Variants in ABHD17C observed in about 807,000 individuals in gnomAD.
ABHD17C encodes the protein abhydrolase domain containing 17C, depalmitoylase.
ABHD17C carries 11 observed loss-of-function variants against 27.9 expected under a neutral mutation model. That is an observed-to-expected ratio of 0.39 (90% CI 0.25 to 0.65). The LOEUF (loss-of-function observed/expected upper bound fraction) is 0.65, where lower values mean the gene tolerates loss of function less well. Ranked by LOEUF, ABHD17C falls within the 30% of genes least tolerant of loss-of-function variation. The pLI is 0.45. For missense variants in ABHD17C, 280 were observed against 470.2 expected, an observed-to-expected ratio of 0.60 and a Z score of 3.74; for synonymous variants, 233 against 209.1, an observed-to-expected ratio of 1.11 and a Z score of -0.98.
At chr15:80,712,219 C>T (rs1361867022) in intron 1 of ABHD17C, among the ~76,000 whole-genome samples, 1 of 152,196 alleles carries the variant, frequency 6.6e-6, no homozygotes, top group Non-Finnish European at 1.5e-5. Flanking sequence ...TCACCCGGAG[C>T]CCAGTACAAT....
At chr15:80,721,772 TGGCTGGG>T (rs887405970) in intron 1 of ABHD17C, among the ~76,000 whole-genome samples, 1 of 152,140 alleles carries the variant, frequency 6.6e-6, no homozygotes, top group African/African-American at 2.4e-5. Context: ...AGAGGAAATT[TGGCTGGG>T]GGCTTTCAGA....
intron 1 of ABHD17C, among the ~76,000 whole-genome samples, chr15:80,738,569 A>G (rs1895164875): frequency 2.0e-5 from 3 of 152,220 alleles, no homozygotes. Context: ...TCTGTAAAAC[A>G]TCTCAAAGAT....
At chr15:80,749,742 T>A (rs1031565805) in intron 2 of ABHD17C, 50 bp downstream of exon 2, 2 of 1,555,880 alleles carry the variant, frequency 1.3e-6, no homozygotes, top group Admixed American at 3.4e-5. Context: ...TGACTGTGTT[T>A]ATATCTGATG....
At chr15:80,702,505 C>G (rs1455717492) in intron 1 of ABHD17C, among the ~76,000 whole-genome samples, 1 of 152,146 alleles carries the variant, frequency 6.6e-6, no homozygotes, top group Admixed American at 6.5e-5. Flanking sequence ...TTTTCCCCTG[C>G]AGAAGTCACT....
chr15:80,708,347 G>A (rs1047141110), intron 1 of ABHD17C, among the ~76,000 whole-genome samples: 1 of 151,962 alleles, frequency 6.6e-6, no homozygotes, highest in Non-Finnish European at 1.5e-5. Flanking sequence ...ACAGAGTCTT[G>A]CTCTGTCGCC....
Position 80,695,377 on chromosome 15 carries a change from GGCCA to G in ABHD17C, c.-33_-30del, listed in dbSNP as rs929936066. Reference sequence around the variant, plus strand: ...CGCGCGTCCGTCCTCCGTCCTCCCGGGCCAGCCAGCCAGCCAGCCAGCCGGGCCG... The same window carrying G: ...CGCGCGTCCGTCCTCCGTCCTCCCGGGCCAGCCAGCCAGCCAGCCGGGCCG... On this transcript the variant is annotated 5_prime_UTR_variant, in exon 1 of 3. Coordinates refer to ENST00000258884, the MANE Select transcript of ABHD17C (RefSeq NM_021214.2). The surrounding 1 kb of genome is among the most constrained non-coding windows in gnomAD (Gnocchi z 4.3). The G allele has an allele frequency of 8.3e-4, 942 of 1,136,914 alleles. No individual in the cohort carries two copies. Among genetic ancestry groups the G allele is most frequent in the Middle Eastern group, 3.7e-3 (10 of 2,736 alleles). 70.4% of individuals were successfully genotyped at this position (1,136,914 alleles called of 1,614,324 possible). A position where few individuals can be genotyped will look rare whatever the true frequency, so the allele number is the denominator to read the frequency against.
chr15:80,743,245 G>C (rs962187665), intron 1 of ABHD17C, among the ~76,000 whole-genome samples: 1 of 152,180 alleles, frequency 6.6e-6, no homozygotes, highest in Non-Finnish European at 1.5e-5. Flanking sequence ...AACAATGCCA[G>C]GGAGCAGGGG....
At chr15:80,713,134 A>G (rs980632274) in intron 1 of ABHD17C, among the ~76,000 whole-genome samples, 1 of 151,286 alleles carries the variant, frequency 6.6e-6, no homozygotes, top group Non-Finnish European at 1.5e-5. Flanking sequence ...TGTACAAATC[A>G]TAGCTCTCTT....
intron 1 of ABHD17C, among the ~76,000 whole-genome samples, chr15:80,705,645 T>TA (rs1894637975): frequency 6.6e-6 from 1 of 152,158 alleles, no homozygotes; most frequent in Non-Finnish European, 1.5e-5. Context: ...GAAGGAGTGT[T>TA]AAAGAAGTTG....
chr15:80,747,647 AC>A (rs1895308422), intron 1 of ABHD17C, among the ~76,000 whole-genome samples: 2 of 152,142 alleles, frequency 1.3e-5, no homozygotes, highest in Non-Finnish European at 2.9e-5. Context: ...GTAACCTGTT[AC>A]GCCAACGGGA....
At chr15:80,734,445 C>T (rs898898073) in intron 1 of ABHD17C, among the ~76,000 whole-genome samples, 2 of 152,110 alleles carry the variant, frequency 1.3e-5, no homozygotes, top group Non-Finnish European at 2.9e-5. Flanking sequence ...AAAAGAATCT[C>T]CATTATTATT....
Position 80,748,818 on chromosome 15 carries a change from G to T in ABHD17C, c.591-695G>T, listed in dbSNP as rs117636496. On this transcript the variant is annotated intron_variant, in intron 1 of 2. Transcript: ENST00000258884. The stretch of plus-strand genomic sequence containing the variant: ...TTAAAGCATGACCTGGAGGTTGCTC[G>T]TGTCACTTCTGCTGACATGCGGTTG... Among the ~76,000 whole-genome samples, 14 of 151,358 alleles carry T rather than the reference G, an allele frequency of 9.2e-5. No individual in the cohort carries two copies. The East Asian group carries it at 2.7e-3, about 29-fold the overall frequency.
chr15:80,747,087 CTTA>C (rs1895298106), intron 1 of ABHD17C, among the ~76,000 whole-genome samples: 3 of 152,270 alleles, frequency 2.0e-5, no homozygotes, highest in East Asian at 3.9e-4. Context: ...CTCTCCTCCT[CTTA>C]TATTTTCTTT....
intron 1 of ABHD17C, among the ~76,000 whole-genome samples, chr15:80,725,903 C>T (rs944013284): frequency 6.6e-6 from 1 of 152,048 alleles, no homozygotes; most frequent in Non-Finnish European, 1.5e-5. Context: ...AACCCAGCGG[C>T]ACTAGAGGAA....
chr15:80,743,328 C>G (rs1664581983), intron 1 of ABHD17C, among the ~76,000 whole-genome samples: 1 of 152,056 alleles, frequency 6.6e-6, no homozygotes, highest in African/African-American at 2.4e-5. Context: ...GCCTCTAGAT[C>G]CGCACTCACC....
At chr15:80,703,750 T>C (rs1479824413) in intron 1 of ABHD17C, among the ~76,000 whole-genome samples, 1 of 152,090 alleles carries the variant, frequency 6.6e-6, no homozygotes, top group Non-Finnish European at 1.5e-5. Flanking sequence ...TTGTTAAGAG[T>C]TGAAAAAAAT....
Position 80,725,888 on chromosome 15 carries a change from A to G in ABHD17C, c.591-23625A>G, listed in dbSNP as rs148181444. ...TGCTGAGACCAGCTCGGTTGGGGAGACCCTAACCCAGCGGCACTAGAGGAA... is the reference window on the plus strand; with the variant it reads ...TGCTGAGACCAGCTCGGTTGGGGAGGCCCTAACCCAGCGGCACTAGAGGAA... On this transcript the variant is annotated intron_variant, in intron 1 of 2. Transcript: ENST00000258884. Among the ~76,000 whole-genome samples the G allele has an allele frequency of 3.0e-3, 454 of 151,894 alleles. 2 individuals carry two copies. The highest frequency in any genetic ancestry group is 9.3e-3 in the African/African-American group (387 of 41,416).
At chr15:80,698,032 C>T (rs544284996) in intron 1 of ABHD17C, among the ~76,000 whole-genome samples, 12 of 151,214 alleles carry the variant, frequency 7.9e-5, no homozygotes, top group Admixed American at 2.0e-4. Context: ...ATGGGCAGCA[C>T]ACATAGCAGA....
At chr15:80,740,096 A>G (rs1457856742) in intron 1 of ABHD17C, among the ~76,000 whole-genome samples, 2 of 152,116 alleles carry the variant, frequency 1.3e-5, no homozygotes, top group Admixed American at 6.5e-5. Flanking sequence ...CTATTGCTTA[A>G]CTAAGCCCTT....
Sources: allele counts gnomAD v4.1 joint callset (sites outside exome capture counted in the v4.1 genomes callset), GRCh38; gene constraint gnomAD v4.1.1; non-coding constraint Gnocchi (gnomAD v3.1); transcripts MANE v1.5; gene names NCBI Gene and HGNC (gene_info 2026-07-23, HGNC 2026-07-21).